Variants in ZNF571 observed in about 807,000 individuals in gnomAD.
ZNF571 encodes zinc finger protein 571.
Under a neutral mutation model 7.7 loss-of-function variants are expected in ZNF571, and 4 were observed. That is an observed-to-expected ratio of 0.52 (90% CI 0.25 to 1.18). ZNF571 has a LOEUF of 1.18. Among genes scored for constraint, ZNF571 ranks in the 50% most tolerant of loss-of-function variants. The pLI, the probability that ZNF571 is intolerant of heterozygous loss-of-function variation, is 0.14. For synonymous variants in ZNF571, 251 were observed against 232.4 expected, an observed-to-expected ratio of 1.08 and a Z score of -0.73; for missense variants, 704 against 726.9, an observed-to-expected ratio of 0.97 and a Z score of 0.36.
At position 37,568,324 on chromosome 19, in the gene ZNF571, C is replaced by CCG. The variant is rs1555716387; in HGVS notation, c.137-2034_137-2033insCG. Among the ~76,000 whole-genome samples the CCG allele has an allele frequency of 7.3e-5, 11 of 150,848 alleles. No homozygotes were observed. The South Asian group carries it at 1.3e-3, about 18-fold the overall frequency. On this transcript the variant is annotated intron_variant, in intron 3 of 3. Coordinates refer to ENST00000451802, the MANE Select transcript of ZNF571 (RefSeq NM_016536.5). Reference sequence around the variant, plus strand: ...ATAAAAACAAAAGCAACTACCCCCCCCCACTTGCCATATACACACCACAGC... The same window carrying CCG: ...ATAAAAACAAAAGCAACTACCCCCCCCGCCACTTGCCATATACACACCACAGC...
intron 3 of ZNF571, among the ~76,000 whole-genome samples, chr19:37,568,319 C>CA (rs1027947983): frequency 2.0e-5 from 3 of 148,042 alleles, no homozygotes; most frequent in Non-Finnish European, 4.5e-5. Flanking sequence ...AAGCAACTAC[C>CA]CCCCCCCACT....
rs1449538527 is a variant in ZNF571 at position 37,565,832 on chromosome 19, T to A, written c.596A>T (p.Glu199Val). ...AGTACGACCAAAGGCCTTTCCACAT[T>A]CCATACACTCATAAGGTTTCTCACC... ...QTGEKPYECM[E>V]CGKAFGRTSD... The change falls in exon 4 of 4, where the codon GAA (glutamate) becomes GTA (valine). Residue 199 changes from glutamate (E) to valine (V), a missense_variant. Coordinates refer to ENST00000451802, the MANE Select transcript of ZNF571 (RefSeq NM_016536.5). 1 of 1,613,708 alleles carries A rather than the reference T, an allele frequency of 6.2e-7. No individual in the cohort carries two copies. Among genetic ancestry groups the A allele is most frequent in the Admixed American group, 1.7e-5 (1 of 59,966 alleles).
intron 3 of ZNF571, among the ~76,000 whole-genome samples, chr19:37,573,800 T>G (rs1371326031): frequency 6.7e-6 from 1 of 148,744 alleles, no homozygotes; most frequent in Non-Finnish European, 1.5e-5. Context: ...GCCACTGCAC[T>G]CCAGTCTGCG....
At chr19:37,567,955 T>C (rs771567271) in intron 3 of ZNF571, among the ~76,000 whole-genome samples, 6 of 152,196 alleles carry the variant, frequency 3.9e-5, no homozygotes, top group Non-Finnish European at 8.8e-5. Context: ...ATGTCTTACT[T>C]TCCAATATTT....
At position 37,569,612 on chromosome 19, in the gene ZNF571, A is replaced by G. The variant is rs1054010287; in HGVS notation, c.137-3321T>C. On this transcript the variant is annotated intron_variant, in intron 3 of 3. Coordinates refer to ENST00000451802, the MANE Select transcript of ZNF571 (RefSeq NM_016536.5). This position sits in a 1 kb window ranked among gnomAD's most constrained non-coding sequence, Gnocchi z 4.4. ...AAACAACAAGTGCTGCTTATAACCT[A>G]CTAGGTTGTATTCATAACCTCTAGC... Among the ~76,000 whole-genome samples, 7 of 152,110 alleles carry G rather than the reference A, an allele frequency of 4.6e-5. No homozygotes were observed. Among genetic ancestry groups the G allele is most frequent in the African/African-American group, 1.7e-4 (7 of 41,414 alleles).
chr19:37,566,538 A>G, intron 3 of ZNF571: 1 of 403,752 alleles, frequency 2.5e-6, no homozygotes, highest in Non-Finnish European at 4.4e-6. Flanking sequence ...AATGGCTTAG[A>G]GACACCCAGG....
At chr19:37,576,773 C>G (rs1439183742) in intron 3 of ZNF571, among the ~76,000 whole-genome samples, 3 of 152,048 alleles carry the variant, frequency 2.0e-5, no homozygotes, top group Non-Finnish European at 4.4e-5. Context: ...AAGAAATACC[C>G]CAATATGCTT....
In ZNF571 at chr19:37,565,808, G is replaced by C. The variant is rs754114669; in HGVS notation, c.620C>G (p.Thr207Ser). Residue 207 changes from threonine (T) to serine (S), a missense_variant, in exon 4 of 4, where the codon ACT (threonine) becomes AGT (serine). Physicochemically the swap from Thr to Ser is moderately conservative, Grantham distance 58 (BLOSUM62 1). Coordinates refer to ENST00000451802, the MANE Select transcript of ZNF571 (RefSeq NM_016536.5). ...TTTCTGATGTTGAATGAGATCAGAA[G>C]TACGACCAAAGGCCTTTCCACATTC... ...CMECGKAFGR[T>S]SDLIQHQKIH... The C allele has an allele frequency of 2.5e-6, 4 of 1,612,018 alleles. No individual in the cohort carries two copies. In the South Asian group the frequency reaches 3.3e-5, roughly 13 times the overall value.
Position 37,564,747 on chromosome 19 carries a change from T to TACATTCATAGGGTTTCTCTCC in ZNF571, c.1660_1680dup (p.Gly554_Cys560dup). 1 of 1,613,622 alleles carries TACATTCATAGGGTTTCTCTCC rather than the reference T, an allele frequency of 6.2e-7. No homozygotes were observed. Among genetic ancestry groups the TACATTCATAGGGTTTCTCTCC allele is most frequent in the Non-Finnish European group, 8.5e-7 (1 of 1,179,628 alleles). On this transcript the variant is annotated inframe_insertion, in exon 4 of 4. Coordinates refer to ENST00000451802, the MANE Select transcript of ZNF571 (RefSeq NM_016536.5). ...CGACTAAAGGCCCTCCCACATTCCT[T>TACATTCATAGGGTTTCTCTCC]ACATTCATAGGGTTTCTCTCCAGTA...
At chr19:37,583,055 A>G (rs1472273216) in intron 3 of ZNF571, among the ~76,000 whole-genome samples, 2 of 152,198 alleles carry the variant, frequency 1.3e-5, no homozygotes, top group Non-Finnish European at 2.9e-5. Flanking sequence ...TTCCACTTTC[A>G]GTAGCCACAC....
chr19:37,583,207 A>G (rs1250498298), intron 3 of ZNF571, among the ~76,000 whole-genome samples: 1 of 152,328 alleles, frequency 6.6e-6, no homozygotes, highest in East Asian at 1.9e-4. Context: ...CTGAGCTATC[A>G]TTCCTGGTCC....
chr19:37,583,886 T>G, intron 3 of ZNF571, 85 bp downstream of exon 3: 2 of 1,409,964 alleles, frequency 1.4e-6, no homozygotes, highest in South Asian at 2.7e-5. Flanking sequence ...AAGCCTTTCC[T>G]TAGGGAATGG....
intron 3 of ZNF571, among the ~76,000 whole-genome samples, chr19:37,571,334 A>G (rs2043044106): frequency 6.6e-6 from 1 of 152,046 alleles, no homozygotes. Flanking sequence ...CAGCTCTACT[A>G]AAAATACAAA....
chr19:37,586,553 T>C, intron 2 of ZNF571, 115 bp downstream of exon 2: 4 of 1,199,524 alleles, frequency 3.3e-6, no homozygotes, highest in Non-Finnish European at 4.9e-6. Context: ...TGGGAGACGT[T>C]TGGAAGCAGT....
chr19:37,577,816 G>A lies in ZNF571; in HGVS notation c.136+6155C>T, dbSNP rs376241809. 3.3e-5 allele frequency among the ~76,000 whole-genome samples: 5 copies of A among 152,288 alleles called. No homozygotes were observed. The South Asian group carries it at 1.0e-3, about 32-fold the overall frequency. ...AGCAGCTAGTGTGCACCACTCTCAGGGAGAGGAAACAAAGTCGGAAGTAAA... is the reference window on the plus strand; with the variant it reads ...AGCAGCTAGTGTGCACCACTCTCAGAGAGAGGAAACAAAGTCGGAAGTAAA... On this transcript the variant is annotated intron_variant, in intron 3 of 3. Coordinates refer to ENST00000451802, the MANE Select transcript of ZNF571 (RefSeq NM_016536.5).
chr19:37,581,905 C>T (rs2043482021), intron 3 of ZNF571, among the ~76,000 whole-genome samples: 1 of 151,826 alleles, frequency 6.6e-6, no homozygotes, highest in Admixed American at 6.5e-5. Context: ...TGCATGCTTC[C>T]TGTCTATACC....
chr19:37,578,584 G>C (rs192001934), intron 3 of ZNF571, among the ~76,000 whole-genome samples: 35 of 152,320 alleles, frequency 2.3e-4, no homozygotes, highest in Non-Finnish European at 4.6e-4. Context: ...CGCAGTCACA[G>C]TGCTGAGGGG....
chr19:37,593,185 T>C (rs746206085), intron 1 of ZNF571, among the ~76,000 whole-genome samples: 1 of 152,164 alleles, frequency 6.6e-6, no homozygotes, highest in Non-Finnish European at 1.5e-5. Context: ...ATGTCCTTTT[T>C]GGTAATATAT....
Position 37,564,633 on chromosome 19 carries a change from A to G in ZNF571, c.1795T>C (p.Ser599Pro). The G allele has an allele frequency of 6.4e-7, 1 of 1,564,976 alleles. No homozygotes were observed. The highest frequency in any genetic ancestry group is 8.6e-7 in the Non-Finnish European group (1 of 1,156,438). ...AGCCTTGTATGTTGAGTAAGTTGTG[A>G]AGGACATCTAAAGTCTTTACCACAC... ...VQCGKDFRCPSQLTQHTRLHN is the reference protein window; with the variant it reads ...VQCGKDFRCPPQLTQHTRLHN The change falls in exon 4 of 4, where the codon TCA becomes CCA. Residue 599 changes from serine (S) to proline (P), a missense_variant. By Grantham distance (74) the Ser-to-Pro change is moderately conservative (BLOSUM62 -1). Coordinates refer to ENST00000451802, the MANE Select transcript of ZNF571 (RefSeq NM_016536.5).
Sources: gnomAD v4.1 joint callset for allele counts (sites outside exome capture counted in the v4.1 genomes callset) on GRCh38, gnomAD v4.1.1 for gene constraint, Gnocchi (gnomAD v3.1) non-coding constraint, MANE v1.5 for transcripts, NCBI Gene and HGNC (gene_info 2026-07-23, HGNC 2026-07-21) for gene names.